CLASP2: variants seen among roughly 807,000 people sequenced by gnomAD.
CLASP2 encodes the protein CLIP-associating protein 2.
Under a neutral mutation model 194.4 loss-of-function variants are expected in CLASP2, and 47 were observed. The ratio of observed to expected loss-of-function variants is 0.24; its 90% CI spans 0.19 to 0.31. CLASP2 has a LOEUF of 0.31. Ranked by LOEUF, CLASP2 falls within the 10% of genes least tolerant of loss-of-function variation. The pLI is 1.00. For missense variants in CLASP2, 1,445 were observed against 1,823.6 expected, an observed-to-expected ratio of 0.79 and a Z score of 3.78; for synonymous variants, 619 against 633.5, an observed-to-expected ratio of 0.98 and a Z score of 0.34.
chr3:33,653,001 T>C (rs1357257231), intron 7 of CLASP2, among the ~76,000 whole-genome samples: 1 of 152,198 alleles, frequency 6.6e-6, no homozygotes, highest in Non-Finnish European at 1.5e-5. Flanking sequence ...ACTGGTCTCC[T>C]TGCTTCTATT....
intron 27 of CLASP2, among the ~76,000 whole-genome samples, chr3:33,562,329 G>C (rs2061925645): frequency 6.6e-6 from 1 of 151,996 alleles, no homozygotes; most frequent in Admixed American, 6.6e-5. Flanking sequence ...TTGGCCAACT[G>C]CTTCATTAAA....
chr3:33,696,217 G>C (rs1002139773), intron 2 of CLASP2, among the ~76,000 whole-genome samples: 3 of 148,806 alleles, frequency 2.0e-5, no homozygotes, highest in Admixed American at 6.7e-5. Flanking sequence ...ATAAAATATT[G>C]GTCTGCAACA....
intron 30 of CLASP2, among the ~76,000 whole-genome samples, chr3:33,548,485 G>A (rs191216724): frequency 3.3e-5 from 5 of 151,986 alleles, no homozygotes; most frequent in East Asian, 3.9e-4. Context: ...TTTTAGTAGA[G>A]ACAGGGTTTC....
intron 36 of CLASP2, 22 bp downstream of exon 36, chr3:33,516,001 C>T: frequency 1.3e-6 from 2 of 1,592,698 alleles, no homozygotes; most frequent in South Asian, 2.3e-5. Context: ...TGGAATAATA[C>T]TTTACCGGCC....
chr3:33,606,662 T>C lies in CLASP2; in HGVS notation c.1623A>G (p.Leu541=). 6.2e-7 allele frequency: 1 copy of C among 1,613,566 alleles called. No homozygotes were observed. The highest frequency in any genetic ancestry group is 8.5e-7 in the Non-Finnish European group (1 of 1,179,566). The change falls in exon 16 of 39, where the codon TTA becomes TTG. Residue 541 remains leucine, a synonymous_variant. Coordinates refer to ENST00000682230, the MANE Select transcript of CLASP2 (RefSeq NM_001365631.1). ...PSYQKSLQTY[L]KSSGSVASLP... ...GAGATGCTACACTGCCAGAACTCTT[T>C]AAGTAAGTTTGAAGACTCTTCTGAT...
At chr3:33,660,569 T>C (rs138288524) in intron 7 of CLASP2, among the ~76,000 whole-genome samples, 2 of 152,328 alleles carry the variant, frequency 1.3e-5, no homozygotes, top group South Asian at 4.1e-4. Flanking sequence ...TGCTGTAAGA[T>C]GTATGATGTG....
At position 33,642,379 on chromosome 3, in the gene CLASP2, A is replaced by C. The variant is rs142183063; in HGVS notation, c.862+2378T>G. Among the ~76,000 whole-genome samples, 101 of 144,686 alleles carry C rather than the reference A, an allele frequency of 7.0e-4. 1 individual carries two copies. The highest frequency in any genetic ancestry group is 2.2e-3 in the African/African-American group (92 of 41,032). The allele number at this position is 144,686 out of a possible 152,430, so 94.9% of individuals were successfully genotyped here. On this transcript the variant is annotated intron_variant, in intron 8 of 38. Coordinates refer to ENST00000682230, the MANE Select transcript of CLASP2 (RefSeq NM_001365631.1). ...ATGCTTAGGGTAAAATATAAGTTAC[A>C]AAAAAACTACACAATGAATAGTGCC...
rs1045269248 is a variant in CLASP2 at position 33,690,579 on chromosome 3, C to T, written c.275-647G>A. Among the ~76,000 whole-genome samples, 7 of 152,120 alleles carry T rather than the reference C, an allele frequency of 4.6e-5. No homozygotes were observed. In the East Asian group the frequency reaches 1.3e-3, roughly 29 times the overall value. On this transcript the variant is annotated intron_variant, in intron 2 of 38. Transcript: ENST00000682230. ...TTTCTCTTTTGATATTACAGCTATA[C>T]AGTAGTCCCCCCTTATCCACAGCTT...
chr3:33,608,216 G>A (rs1353231941), intron 14 of CLASP2, among the ~76,000 whole-genome samples: 3 of 152,138 alleles, frequency 2.0e-5, no homozygotes, highest in Admixed American at 1.3e-4. Context: ...CCTCTGAAAG[G>A]AGGCTCCTTC....
At chr3:33,651,657 CTTTTTTTTTT>C (rs1213189049) in intron 7 of CLASP2, among the ~76,000 whole-genome samples, 1 of 119,628 alleles carries the variant, frequency 8.4e-6, no homozygotes, top group Non-Finnish European at 1.7e-5. Flanking sequence ...TTCCACCTCA[CTTTTTTTTTT>C]TTTTTTTTTG....
At chr3:33,715,847 TAAAAAAAAAAA>T (rs59528446) in intron 1 of CLASP2, among the ~76,000 whole-genome samples, 6 of 62,136 alleles carry the variant, frequency 9.7e-5, no homozygotes, top group East Asian at 5.7e-4. Flanking sequence ...GTATCTTAAG[TAAAAAAAAAAA>T]AAAAAAAAAA....
intron 21 of CLASP2, among the ~76,000 whole-genome samples, chr3:33,586,386 G>T (rs186357903): frequency 4.5e-4 from 68 of 152,248 alleles, no homozygotes; most frequent in African/African-American, 1.6e-3. Context: ...GCCTGCCTCG[G>T]CCTACCAAAG....
At chr3:33,539,612 G>C (rs2154140876) in intron 32 of CLASP2, among the ~76,000 whole-genome samples, 1 of 152,154 alleles carries the variant, frequency 6.6e-6, no homozygotes, top group South Asian at 2.1e-4. Context: ...TGGGATTACA[G>C]GCGTGAGCCA....
At chr3:33,681,660 G>C (rs1405019066) in intron 6 of CLASP2, among the ~76,000 whole-genome samples, 1 of 152,024 alleles carries the variant, frequency 6.6e-6, no homozygotes, top group East Asian at 1.9e-4. Context: ...GTACATAAAG[G>C]TTTTAAAAGA....
In CLASP2 at chr3:33,609,811, A is replaced by G. The variant is rs529751125; in HGVS notation, c.1389-1185T>C. Among the ~76,000 whole-genome samples the G allele has an allele frequency of 3.3e-5, 5 of 152,324 alleles. No homozygotes were observed. In the South Asian group the frequency reaches 1.0e-3, roughly 32 times the overall value. On this transcript the variant is annotated intron_variant, in intron 13 of 38. Coordinates refer to ENST00000682230, the MANE Select transcript of CLASP2 (RefSeq NM_001365631.1). ...CTACATAGGCAGTGAATGTCAACTC[A>G]AACACTACATAGAAAACAAGGAATT...
At chr3:33,526,990 GTA>G (rs2054740592) in intron 34 of CLASP2, among the ~76,000 whole-genome samples, 1 of 152,160 alleles carries the variant, frequency 6.6e-6, no homozygotes, top group Non-Finnish European at 1.5e-5. Context: ...GTGTTAAGAG[GTA>G]AATTCATAGC....
intron 33 of CLASP2, among the ~76,000 whole-genome samples, chr3:33,538,004 G>A (rs2057691757): frequency 6.6e-6 from 1 of 152,210 alleles, no homozygotes; most frequent in African/African-American, 2.4e-5. Flanking sequence ...AGCCGGGCAT[G>A]GTGGCGGGCG....
At chr3:33,532,100 G>C (rs1180716695) in intron 34 of CLASP2, among the ~76,000 whole-genome samples, 1 of 152,172 alleles carries the variant, frequency 6.6e-6, no homozygotes, top group African/African-American at 2.4e-5. Context: ...ATTCATAACA[G>C]CCAAAACTTG....
chr3:33,663,510 T>C lies in CLASP2; in HGVS notation c.650A>G (p.Glu217Gly). 1.2e-6 allele frequency: 2 copies of C among 1,608,376 alleles called. No individual in the cohort carries two copies. Among genetic ancestry groups the C allele is most frequent in the Non-Finnish European group, 1.7e-6 (2 of 1,175,404 alleles). The change falls in exon 7 of 39, where the codon GAA (glutamate) becomes GGA (glycine). Residue 217 changes from glutamate to glycine, a missense_variant. Glu to Gly is a moderately conservative substitution (Grantham distance 98). Transcript: ENST00000682230. ...TTCATCAAATTTGGCAAATATCATTTCTAATCTGGGAATAAAGAATAAATT... is the reference window on the plus strand; with the variant it reads ...TTCATCAAATTTGGCAAATATCATTCCTAATCTGGGAATAAAGAATAAATT... Reference protein sequence around the residue: ...YKRGIPPARLEMIFAKFDEVQ... With the variant: ...YKRGIPPARLGMIFAKFDEVQ...
Sources: gnomAD v4.1 joint callset for allele counts (sites outside exome capture counted in the v4.1 genomes callset) on GRCh38, gnomAD v4.1.1 for gene constraint, MANE v1.5 for transcripts, NCBI Gene and HGNC (gene_info 2026-07-23, HGNC 2026-07-21) for gene names.